Variants in INPP4B observed in about 807,000 individuals in gnomAD.
INPP4B encodes the protein inositol polyphosphate-4-phosphatase type II B, also known as inositol polyphosphate 4-phosphatase type II.
Under a neutral mutation model 122.5 loss-of-function variants are expected in INPP4B, and 55 were observed. The ratio of observed to expected loss-of-function variants is 0.45; its 90% CI spans 0.36 to 0.56. The LOEUF is 0.56. INPP4B is among the 20% of genes least tolerant of loss of function. The pLI is 0.00. For synonymous variants in INPP4B, 403 were observed against 388.7 expected, an observed-to-expected ratio of 1.04 and a Z score of -0.43; for missense variants, 1,000 against 1,097.7, an observed-to-expected ratio of 0.91 and a Z score of 1.26.
At chr4:142,811,017 G>C (rs1779449524) in intron 1 of INPP4B, among the ~76,000 whole-genome samples, 1 of 152,204 alleles carries the variant, frequency 6.6e-6, no homozygotes, top group South Asian at 2.1e-4. Flanking sequence ...ATGCACTGCT[G>C]ACATTTTTCT....
intron 15 of INPP4B, among the ~76,000 whole-genome samples, chr4:142,188,516 A>T (rs201489181): frequency 0.35 from 37,534 of 107,634 alleles, 11,624 homozygotes; most frequent in African/African-American, 0.64. Context: ...AAAAAGAAAA[A>T]AAATATATAT....
intron 2 of INPP4B, among the ~76,000 whole-genome samples, chr4:142,524,151 A>G (rs1280158946): frequency 6.6e-6 from 1 of 151,998 alleles, no homozygotes; most frequent in Non-Finnish European, 1.5e-5. Flanking sequence ...AGCATGATTT[A>G]TAGTCCTTTG....
rs759770691 is a variant in INPP4B, at chr4:142,023,927, A to G, written c.*4855T>C. On this transcript the variant is annotated 3_prime_UTR_variant, in exon 26 of 26. Coordinates refer to ENST00000262992, the MANE Select transcript of INPP4B (RefSeq NM_001101669.3). ...CAATCTGTAAAAATTCCAATTTAGG[A>G]TAGCTAAATTCATTACATTTTTTTT... 1.3e-5 allele frequency: 2 copies of G among 151,676 alleles called. No individual in the cohort carries two copies. Among genetic ancestry groups the G allele is most frequent in the Non-Finnish European group, 2.9e-5 (2 of 67,980 alleles). 9.4% of individuals were successfully genotyped at this position (151,676 alleles called of 1,614,324 possible). A position where few individuals can be genotyped will look rare whatever the true frequency, so the allele number is the denominator to read the frequency against.
chr4:142,073,073 T>C (rs2152493168), intron 25 of INPP4B, among the ~76,000 whole-genome samples: 1 of 152,178 alleles, frequency 6.6e-6, no homozygotes, highest in Admixed American at 6.6e-5. Flanking sequence ...GAGCAGTGAT[T>C]ACCCCTAAAT....
At chr4:142,547,060 T>C (rs1241180926) in intron 2 of INPP4B, among the ~76,000 whole-genome samples, 5 of 152,078 alleles carry the variant, frequency 3.3e-5, no homozygotes, top group African/African-American at 9.7e-5. Flanking sequence ...ATCGTACTTT[T>C]GATTCTCTGC....
intron 2 of INPP4B, among the ~76,000 whole-genome samples, chr4:142,587,948 A>G (rs1011934117): frequency 1.4e-4 from 21 of 151,986 alleles, no homozygotes; most frequent in Admixed American, 6.6e-4. Flanking sequence ...AAAAATATAT[A>G]GAATATCATA....
chr4:142,556,559 A>C (rs1729230606), intron 2 of INPP4B, among the ~76,000 whole-genome samples: 1 of 152,170 alleles, frequency 6.6e-6, no homozygotes, highest in South Asian at 2.1e-4. Flanking sequence ...GCTGGGATGA[A>C]AGTGGGCACC....
chr4:142,435,798 G>A (rs925383023), intron 3 of INPP4B, among the ~76,000 whole-genome samples: 4 of 152,282 alleles, frequency 2.6e-5, no homozygotes, highest in African/African-American at 4.8e-5. Context: ...TCCCACTCAT[G>A]AACCCATGCC....
intron 8 of INPP4B, among the ~76,000 whole-genome samples, chr4:142,308,176 C>A (rs1764161236): frequency 6.6e-6 from 1 of 152,118 alleles, no homozygotes. Flanking sequence ...AAGAACAATG[C>A]CCATGAGTCA....
rs936056082 is a variant in INPP4B at position 142,846,045 on chromosome 4, G to C, written c.-254+164C>G. Among the ~76,000 whole-genome samples the C allele has an allele frequency of 6.6e-5, 10 of 152,124 alleles. No homozygotes were observed. Among genetic ancestry groups the C allele is most frequent in the Non-Finnish European group, 8.8e-5 (6 of 67,986 alleles). ...CTAAAGAGCTGGAGGGGTGATGGAG[G>C]CTGCAAGACGGAGAAACTTGATGCA... On this transcript the variant is annotated intron_variant, in intron 1 of 25. Transcript: ENST00000262992. The surrounding 1 kb of genome is among the most constrained non-coding windows in gnomAD (Gnocchi z 5.1).
rs184614675 is a variant in INPP4B, at chr4:142,159,363, C to A, written c.1563+995G>T. ...GGAGAAATGCAATTTTAATCACCAA[C>A]GACAAACACTCAGCATTTACCTCTT... is the stretch of plus-strand genomic sequence containing the variant. On this transcript the variant is annotated intron_variant, in intron 17 of 25. Coordinates refer to ENST00000262992, the MANE Select transcript of INPP4B (RefSeq NM_001101669.3). 5.3e-5 allele frequency among the ~76,000 whole-genome samples: 8 copies of A among 151,916 alleles called. No individual in the cohort carries two copies. In the South Asian group the frequency reaches 1.7e-3, roughly 32 times the overall value.
chr4:142,422,488 T>C (rs187776105), intron 5 of INPP4B, among the ~76,000 whole-genome samples: 36 of 151,994 alleles, frequency 2.4e-4, no homozygotes, highest in African/African-American at 8.4e-4. Context: ...ATTCAATGTT[T>C]TATAAGGGAT....
intron 1 of INPP4B, among the ~76,000 whole-genome samples, chr4:142,829,292 T>C (rs1397119099): frequency 6.6e-6 from 1 of 152,010 alleles, no homozygotes; most frequent in Non-Finnish European, 1.5e-5. Context: ...AGCAATCATA[T>C]AATGACCCCT....
At chr4:142,804,915 C>T (rs1377148535) in intron 1 of INPP4B, among the ~76,000 whole-genome samples, 1 of 152,164 alleles carries the variant, frequency 6.6e-6, no homozygotes, top group Non-Finnish European at 1.5e-5. Flanking sequence ...GATCCACTGG[C>T]CTCGGCCTCC....
chr4:142,391,911 T>C (rs982975021), intron 7 of INPP4B, among the ~76,000 whole-genome samples: 1 of 152,244 alleles, frequency 6.6e-6, no homozygotes, highest in Non-Finnish European at 1.5e-5. Context: ...ACGCATGTTT[T>C]CTGATTGTAT....
intron 18 of INPP4B, among the ~76,000 whole-genome samples, 159 bp downstream of exon 18, chr4:142,145,681 A>C (rs1810306768): frequency 6.6e-6 from 1 of 152,196 alleles, no homozygotes; most frequent in African/African-American, 2.4e-5. Flanking sequence ...CAATTTGATA[A>C]ATAGCCTTCC....
intron 2 of INPP4B, among the ~76,000 whole-genome samples, chr4:142,678,547 T>C (rs887567321): frequency 1.3e-5 from 2 of 151,854 alleles, no homozygotes; most frequent in Non-Finnish European, 2.9e-5. Flanking sequence ...TTATTTTGGC[T>C]CTGAAAGACT....
chr4:142,067,876 G>T (rs574174953), intron 25 of INPP4B, among the ~76,000 whole-genome samples: 3 of 152,320 alleles, frequency 2.0e-5, no homozygotes, highest in Admixed American at 2.0e-4. Context: ...GAAAGTGACA[G>T]GGAGAATGGA....
At chr4:142,456,543 T>G (rs936352820) in intron 3 of INPP4B, among the ~76,000 whole-genome samples, 7 of 152,080 alleles carry the variant, frequency 4.6e-5, no homozygotes, top group African/African-American at 1.4e-4. Flanking sequence ...GTAATATAAT[T>G]TGAAGTCAGG....
Sources: allele counts gnomAD v4.1 joint callset (sites outside exome capture counted in the v4.1 genomes callset), GRCh38; gene constraint gnomAD v4.1.1; non-coding constraint Gnocchi (gnomAD v3.1); transcripts MANE v1.5; gene names NCBI Gene and HGNC (gene_info 2026-07-23, HGNC 2026-07-21).